Variants in TPO observed in about 807,000 individuals in gnomAD.
TPO encodes thyroid microsomal antigen.
In TPO, 78 loss-of-function variants were observed where a neutral mutation model predicts 96.9. The observed-to-expected ratio is 0.81, with a 90% CI of 0.67 to 0.97. The LOEUF (loss-of-function observed/expected upper bound fraction) is 0.97. Among genes scored for constraint, TPO ranks in the 50% least tolerant of loss-of-function variants. The pLI is 0.00. For missense variants in TPO, 1,252 were observed against 1,274.8 expected (o/e 0.98, Z 0.27); for synonymous variants, 547 against 538.0 (o/e 1.02, Z -0.23).
rs778092721 is a variant in TPO, at chr2:1,487,874, G to A, written c.1651G>A (p.Val551Met). ...GLLARPAKLQ[V>M]QDQLMNEELT... The stretch of plus-strand genomic sequence containing the variant: ...TCTTGCAAGACCAGCCAAACTGCAG[G>A]TGCAGGATCAGCTGATGAACGAGGA... The change falls in exon 10 of 17, where the codon GTG (valine) becomes ATG (methionine). Residue 551 changes from valine to methionine, a missense_variant. By Grantham distance (21) the Val-to-Met change is conservative. Transcript: ENST00000329066. 5.0e-6 allele frequency: 8 copies of A among 1,614,214 alleles called. No homozygotes were observed. Among genetic ancestry groups the A allele is most frequent in the South Asian group, 1.1e-5 (1 of 91,086 alleles).
intron 14 of TPO, among the ~76,000 whole-genome samples, chr2:1,512,135 G>A (rs535333616): frequency 6.6e-6 from 1 of 152,076 alleles, no homozygotes; most frequent in South Asian, 2.1e-4. Context: ...CCGGGTTCAC[G>A]CCATTCTCCT....
intron 13 of TPO, among the ~76,000 whole-genome samples, chr2:1,498,108 T>C (rs1271018913): frequency 1.3e-5 from 2 of 152,178 alleles, no homozygotes; most frequent in African/African-American, 4.8e-5. Context: ...TGGTAAAGTT[T>C]ACATTATGTA....
chr2:1,401,884 A>G (rs1044598108), intron 1 of TPO, among the ~76,000 whole-genome samples: 1 of 152,202 alleles, frequency 6.6e-6, no homozygotes, highest in African/African-American at 2.4e-5. Context: ...CTGTGGGTCC[A>G]AGGGTATAGG....
At chr2:1,473,897 A>AT (rs1449867221) in intron 7 of TPO, among the ~76,000 whole-genome samples, 1 of 152,154 alleles carries the variant, frequency 6.6e-6, no homozygotes, top group East Asian at 1.9e-4. Flanking sequence ...AATGTTATCA[A>AT]TTTTTTAGAA....
rs542172768 is a variant in TPO at position 1,490,026 on chromosome 2, A to G, written c.1768+2035A>G. Among the ~76,000 whole-genome samples, 266 of 86,772 alleles carry G rather than the reference A, an allele frequency of 3.1e-3. 4 individuals are homozygous for G. Among genetic ancestry groups the G allele is most frequent in the African/African-American group, 0.015 (245 of 16,520 alleles). The allele number at this position is 86,772 out of a possible 152,430, so 56.9% of individuals were successfully genotyped here. ...GTGTAAGAGCCGCCACGAGGGTCCC[A>G]CACAGGGGGAGTCGCGACACAGCAG... is the stretch of plus-strand genomic sequence containing the variant. On this transcript the variant is annotated intron_variant, in intron 10 of 16. Transcript: ENST00000329066.
At position 1,509,938 on chromosome 2, in the gene TPO, A is replaced by AC. The variant is rs139790160; in HGVS notation, c.2518+5866dup. Among the ~76,000 whole-genome samples the AC allele has an allele frequency of 2.3e-3, 317 of 135,120 alleles. 8 individuals are homozygous for AC. In the East Asian group the frequency reaches 0.065, roughly 27 times the overall value. 88.6% of individuals were successfully genotyped at this position (135,120 alleles called of 152,430 possible). A position where few individuals can be genotyped will look rare whatever the true frequency, so the allele number is the denominator to read the frequency against. On this transcript the variant is annotated intron_variant, in intron 14 of 16. Transcript: ENST00000329066. ...CACCCCACCCTGTTGTTTCAGGCACACCCCCCCTCTTCTTTCAGGCACAGG... is the reference window on the plus strand; with the variant it reads ...CACCCCACCCTGTTGTTTCAGGCACACCCCCCCCTCTTCTTTCAGGCACAGG...
chr2:1,518,494 G>A (rs1190159773), intron 15 of TPO, among the ~76,000 whole-genome samples: 1 of 152,166 alleles, frequency 6.6e-6, no homozygotes, highest in Non-Finnish European at 1.5e-5. Context: ...TCTCTCTGGG[G>A]CTGAGATATG....
At position 1,420,837 on chromosome 2, in the gene TPO, G is replaced by A. The variant is rs114688974; in HGVS notation, c.95-2208G>A. On this transcript the variant is annotated intron_variant, in intron 2 of 16. Coordinates refer to ENST00000329066, the MANE Select transcript of TPO (RefSeq NM_001206744.2). The stretch of plus-strand genomic sequence containing the variant: ...GACAACGGCCAGGCAGGAGCAGAAC[G>A]TTCTCCCAGAGACATTATGGGGAAA... 3.1e-3 allele frequency among the ~76,000 whole-genome samples: 469 copies of A among 152,162 alleles called. 2 individuals carry two copies. Among genetic ancestry groups the A allele is most frequent in the African/African-American group, 0.011 (450 of 41,514 alleles).
At chr2:1,459,965 C>T (rs2148612316) in intron 7 of TPO, among the ~76,000 whole-genome samples, 1 of 144,682 alleles carries the variant, frequency 6.9e-6, no homozygotes, top group Admixed American at 7.0e-5. Flanking sequence ...TTTTTTTGAG[C>T]TGGAGTCTTG....
intron 15 of TPO, among the ~76,000 whole-genome samples, chr2:1,537,559 TCCC>T (rs1393354467): frequency 1.3e-4 from 5 of 37,558 alleles, no homozygotes; most frequent in East Asian, 1.5e-3. Flanking sequence ...CCTCCTGAAA[TCCC>T]CCAACTGTGT....
chr2:1,427,323 G>A (rs1340766691), intron 3 of TPO, among the ~76,000 whole-genome samples: 1 of 152,234 alleles, frequency 6.6e-6, no homozygotes, highest in Non-Finnish European at 1.5e-5. Context: ...AAGATATGAT[G>A]TCCAGGGAGG....
chr2:1,496,216 TCACAC>T lies in TPO; in HGVS notation c.2215+23_2215+27del. The T allele has an allele frequency of 6.2e-7, 1 of 1,611,644 alleles. No individual in the cohort carries two copies. The highest frequency in any genetic ancestry group is 1.1e-5 in the South Asian group (1 of 90,420). The stretch of plus-strand genomic sequence containing the variant: ...CCTCAAGGTGAAGTTCGGTCTCCTC[TCACAC>T]CACGTTACAGCACGTGCATCTCATC... On this transcript the variant is annotated intron_variant, in intron 12 of 16. Coordinates refer to ENST00000329066, the MANE Select transcript of TPO (RefSeq NM_001206744.2).
In TPO at chr2:1,484,773, G is replaced by T; in HGVS notation, c.1516G>T (p.Ala506Ser). ...CCACCCGCTGGTGAGGAGGCTGGAC[G>T]CCAGCTTCCAGGAGCACCCCGACCT... ...TIHPLVRRLD[A>S]SFQEHPDLPG... The change falls in exon 9 of 17, where the codon GCC becomes TCC. Residue 506 changes from alanine (A) to serine (S), a missense_variant. Ala to Ser is a moderately conservative substitution (Grantham distance 99, BLOSUM62 1). Transcript: ENST00000329066. 1.2e-6 allele frequency: 2 copies of T among 1,614,054 alleles called. No individual in the cohort carries two copies. The highest frequency in any genetic ancestry group is 1.1e-5 in the South Asian group (1 of 91,074).
chr2:1,423,422 T>C (rs2148447140), intron 3 of TPO, among the ~76,000 whole-genome samples: 1 of 152,246 alleles, frequency 6.6e-6, no homozygotes, highest in Non-Finnish European at 1.5e-5. Flanking sequence ...CAGCCTCTCT[T>C]CTCCAGGATT....
chr2:1,432,580 G>A (rs1665104319), intron 3 of TPO, among the ~76,000 whole-genome samples: 1 of 138,240 alleles, frequency 7.2e-6, no homozygotes, highest in African/African-American at 2.7e-5. Context: ...TGCAGGTGAG[G>A]AGAGGCCTGC....
At position 1,379,092 on chromosome 2, in the gene TPO, G is replaced by A. The variant is rs575582028; in HGVS notation, n.180+4690G>A. Among the ~76,000 whole-genome samples, 16 of 152,214 alleles carry A rather than the reference G, an allele frequency of 1.1e-4. No individual in the cohort carries two copies. In the South Asian group the frequency reaches 2.5e-3, roughly 24 times the overall value. The stretch of plus-strand genomic sequence containing the variant: ...GGCTGAGGCAGGTGGATCACCTAAG[G>A]TCAGGAGCTCAAGATCAGCCTGGCC... On this transcript the variant is annotated intron_variant and non_coding_transcript_variant, in intron 1 of 5. Transcript: ENST00000497517.
At chr2:1,391,816 T>G (rs1201111002) in intron 1 of TPO, among the ~76,000 whole-genome samples, 1 of 152,220 alleles carries the variant, frequency 6.6e-6, no homozygotes, top group East Asian at 1.9e-4. Context: ...GCTCTCTGTT[T>G]GTCTGTTGTT....
rs78253418 is a variant in TPO at position 1,433,432 on chromosome 2, C to A, written c.180-6C>A. ...ATCTATTTTATATCTTCTTTATGTG[C>A]CATAGAAACCTCAAGAAAAGAGGAA... is the stretch of plus-strand genomic sequence containing the variant. On this transcript the variant is annotated splice_polypyrimidine_tract_variant and splice_region_variant and intron_variant, in intron 3 of 16. Transcript: ENST00000329066. 15,581 of 1,614,004 alleles carry A rather than the reference C, an allele frequency of 9.7e-3. 745 individuals carry two copies. The East Asian group carries it at 0.12, about 13-fold the overall frequency.
intron 15 of TPO, among the ~76,000 whole-genome samples, chr2:1,540,097 C>G (rs1189808175): frequency 6.6e-6 from 1 of 152,182 alleles, no homozygotes; most frequent in Admixed American, 6.5e-5. Flanking sequence ...CTCCCAGAGA[C>G]CAGGGGGCCT....
Sources: gnomAD v4.1 joint callset for allele counts (sites outside exome capture counted in the v4.1 genomes callset) on GRCh38, gnomAD v4.1.1 for gene constraint, MANE v1.5 for transcripts, NCBI Gene and HGNC (gene_info 2026-07-23, HGNC 2026-07-21) for gene names.